Variants in EFHD2 observed in about 807,000 individuals in gnomAD.
The protein encoded by EFHD2 is EF-hand domain family member D2.
A neutral mutation model predicts 20.3 loss-of-function variants in EFHD2; 12 were observed. That is an observed-to-expected ratio of 0.59 (90% CI 0.38 to 0.96). EFHD2 has a LOEUF of 0.96. EFHD2 is among the 40% of genes least tolerant of loss of function. The probability of loss-of-function intolerance (pLI) is 0.00; values close to 1 mark genes in which losing one functional copy is unlikely to be tolerated. For missense variants in EFHD2, 250 were observed against 334.3 expected, an observed-to-expected ratio of 0.75 and a Z score of 1.97; for synonymous variants, 131 against 143.9, an observed-to-expected ratio of 0.91 and a Z score of 0.64.
intron 1 of EFHD2, among the ~76,000 whole-genome samples, chr1:15,425,350 C>T (rs1310317388): frequency 6.6e-6 from 1 of 152,072 alleles, no homozygotes; most frequent in East Asian, 1.9e-4. Context: ...CATGGTGAAA[C>T]ACTGTCTCTA....
chr1:15,427,380 G>A lies in EFHD2; in HGVS notation c.591+96G>A, dbSNP rs3765371. ...AGGTCCCCTTCCCGTCCCTGCTGAG[G>A]CTGCAGACAGAGATGGGAGCTGACT... is the stretch of plus-strand genomic sequence containing the variant. On this transcript the variant is annotated intron_variant, in intron 3 of 3. Transcript: ENST00000375980. The A allele has an allele frequency of 3.8e-4, 570 of 1,495,420 alleles. 5 individuals are homozygous for A. The East Asian group carries it at 0.012, about 31-fold the overall frequency. The allele number at this position is 1,495,420 out of a possible 1,614,324, so 92.6% of individuals were successfully genotyped here.
intron 1 of EFHD2, among the ~76,000 whole-genome samples, chr1:15,418,747 C>G (rs1211025697): frequency 6.6e-6 from 1 of 152,258 alleles, no homozygotes; most frequent in Admixed American, 6.5e-5. Flanking sequence ...AAGATGGCCT[C>G]TAATATCCCT....
At chr1:15,417,858 T>C (rs1203038794) in intron 1 of EFHD2, among the ~76,000 whole-genome samples, 1 of 152,134 alleles carries the variant, frequency 6.6e-6, no homozygotes, top group African/African-American at 2.4e-5. Context: ...AGAGACAGAA[T>C]TGGGGTCCCT....
intron 1 of EFHD2, among the ~76,000 whole-genome samples, chr1:15,417,562 TC>T (rs1395019180): frequency 2.0e-5 from 3 of 147,262 alleles, no homozygotes; most frequent in Admixed American, 6.7e-5. Flanking sequence ...TATCTCTCCG[TC>T]TCTCTCTCTC....
chr1:15,417,149 A>G (rs1217257783), intron 1 of EFHD2, among the ~76,000 whole-genome samples: 1 of 152,120 alleles, frequency 6.6e-6, no homozygotes, highest in African/African-American at 2.4e-5. Flanking sequence ...AGGTGTGCAC[A>G]CTGACGTTTA....
In EFHD2 at chr1:15,425,834, G is replaced by A. The variant is rs376981492; in HGVS notation, c.309-37G>A. ...TCAAGCCTGCGGCCTCTCTGACTGA[G>A]CCAGTGCCAAGATGTCCTCTCTTTT... On this transcript the variant is annotated intron_variant, in intron 1 of 3. Coordinates refer to ENST00000375980, the MANE Select transcript of EFHD2 (RefSeq NM_024329.6). The A allele has an allele frequency of 2.2e-5, 35 of 1,595,676 alleles. No homozygotes were observed. The African/African-American group carries it at 4.5e-4, about 20-fold the overall frequency.
chr1:15,415,572 T>C (rs1389341432), intron 1 of EFHD2, among the ~76,000 whole-genome samples: 1 of 151,502 alleles, frequency 6.6e-6, no homozygotes, highest in Non-Finnish European at 1.5e-5. Context: ...CACTGCAGCC[T>C]TCGTCTCCTG....
At chr1:15,424,578 G>A (rs1418187033) in intron 1 of EFHD2, among the ~76,000 whole-genome samples, 41 of 152,022 alleles carry the variant, frequency 2.7e-4, no homozygotes, top group Admixed American at 2.6e-3. Context: ...GCCAATCTCC[G>A]CCACTCCCTG....
At position 15,410,294 on chromosome 1, in the gene EFHD2, G is replaced by A; in HGVS notation, c.308+15G>A. The A allele has an allele frequency of 6.3e-7, 1 of 1,577,458 alleles. No individual in the cohort carries two copies. The highest frequency in any genetic ancestry group is 8.6e-7 in the Non-Finnish European group (1 of 1,165,256). On this transcript the variant is annotated intron_variant, in intron 1 of 3. Coordinates refer to ENST00000375980, the MANE Select transcript of EFHD2 (RefSeq NM_024329.6). ...ATGTTCAAGCAGTAAGTGCCCGCGC[G>A]ACCCGGCCCCCCGCCCGCCCCGCGA... is the stretch of plus-strand genomic sequence containing the variant.
At chr1:15,411,669 C>T (rs1707520550) in intron 1 of EFHD2, among the ~76,000 whole-genome samples, 1 of 152,160 alleles carries the variant, frequency 6.6e-6, no homozygotes, top group African/African-American at 2.4e-5. Flanking sequence ...TAGAACTGGC[C>T]TGAGGCTGAG....
intron 1 of EFHD2, among the ~76,000 whole-genome samples, chr1:15,417,402 G>A (rs1707691398): frequency 6.6e-6 from 1 of 152,216 alleles, no homozygotes; most frequent in African/African-American, 2.4e-5. Context: ...GAAAGGGGGT[G>A]GCTGGCAGGG....
intron 1 of EFHD2, among the ~76,000 whole-genome samples, chr1:15,423,483 AG>A (rs1707826603): frequency 1.3e-5 from 2 of 152,154 alleles, no homozygotes; most frequent in South Asian, 2.1e-4. Flanking sequence ...CACGTTGGGG[AG>A]GGGCTGGGTA....
chr1:15,428,905 T>TTCTG lies in EFHD2; in HGVS notation c.*183_*184insTGTC. 5.5e-6 allele frequency: 5 copies of TTCTG among 911,036 alleles called. 1 individual carries two copies. Among genetic ancestry groups the TTCTG allele is most frequent in the Non-Finnish European group, 8.1e-6 (5 of 618,520 alleles). The allele number at this position is 911,036 out of a possible 1,614,324, so 56.4% of individuals were successfully genotyped here. A position where few individuals can be genotyped will look rare whatever the true frequency, so the allele number is the denominator to read the frequency against. On this transcript the variant is annotated 3_prime_UTR_variant, in exon 4 of 4. Transcript: ENST00000375980. ...GGTGGCCCGGCCCCTCCCCGCTCCCTTCCACTCTGCACGAGGCCGCCACAC... is the reference window on the plus strand; with the variant it reads ...GGTGGCCCGGCCCCTCCCCGCTCCCTTCTGTCCACTCTGCACGAGGCCGCCACAC...
At chr1:15,415,923 C>T (rs1707660732) in intron 1 of EFHD2, among the ~76,000 whole-genome samples, 1 of 152,170 alleles carries the variant, frequency 6.6e-6, no homozygotes, top group South Asian at 2.1e-4. Flanking sequence ...CCCCTGGAGG[C>T]CAAGTGAAGC....
intron 1 of EFHD2, among the ~76,000 whole-genome samples, chr1:15,417,474 A>G (rs1156637416): frequency 6.6e-6 from 1 of 152,164 alleles, no homozygotes; most frequent in Non-Finnish European, 1.5e-5. Context: ...GAGCCCTGAC[A>G]GCCCCCCAGC....
chr1:15,414,788 G>A (rs1707627164), intron 1 of EFHD2, among the ~76,000 whole-genome samples: 1 of 152,124 alleles, frequency 6.6e-6, no homozygotes. Flanking sequence ...AGCTACATAT[G>A]GCTTTGATAA....
At chr1:15,424,485 GA>G (rs1270795423) in intron 1 of EFHD2, among the ~76,000 whole-genome samples, 1 of 152,080 alleles carries the variant, frequency 6.6e-6, no homozygotes, top group Non-Finnish European at 1.5e-5. Flanking sequence ...GTTAGTGGTA[GA>G]AAAAAAGAGA....
At chr1:15,428,436 G>T (rs773100696) in intron 3 of EFHD2, among the ~76,000 whole-genome samples, 157 bp from the exon 4 acceptor site, 1 of 152,232 alleles carries the variant, frequency 6.6e-6, no homozygotes, top group Non-Finnish European at 1.5e-5. Flanking sequence ...GGCAGAGGTT[G>T]CAGTGAGCCA....
chr1:15,415,300 T>G (rs1436968475), intron 1 of EFHD2, among the ~76,000 whole-genome samples: 1 of 152,116 alleles, frequency 6.6e-6, no homozygotes, highest in East Asian at 1.9e-4. Context: ...TCTGCCATGA[T>G]TACCGAAAGC....
Sources: gnomAD v4.1 joint callset for allele counts (sites outside exome capture counted in the v4.1 genomes callset) on GRCh38, gnomAD v4.1.1 for gene constraint, MANE v1.5 for transcripts, NCBI Gene and HGNC (gene_info 2026-07-23, HGNC 2026-07-21) for gene names.